The following DYM variants were observed in gnomAD, a reference collection of about 807,000 sequenced individuals.
DYM encodes dymeclin, also known as dyggve-Melchior-Clausen syndrome protein.
Under a neutral mutation model 93.1 loss-of-function variants are expected in DYM, and 78 were observed. The ratio of observed to expected loss-of-function variants is 0.84; its 90% CI spans 0.70 to 1.01. The LOEUF is 1.01. Ranked by LOEUF, DYM falls within the 50% of genes least tolerant of loss-of-function variation. The pLI is 0.00. For synonymous variants in DYM, 321 were observed against 319.7 expected (o/e 1.00, Z -0.04); for missense variants, 789 against 845.0 (o/e 0.93, Z 0.82).
At chr18:49,224,727 C>A (rs1568050494) in intron 13 of DYM, among the ~76,000 whole-genome samples, 1 of 152,084 alleles carries the variant, frequency 6.6e-6, no homozygotes, top group East Asian at 1.9e-4. Context: ...TGATCTAGGA[C>A]TTCCCAGATT....
intron 16 of DYM, among the ~76,000 whole-genome samples, chr18:49,103,723 G>C (rs947425112): frequency 3.9e-5 from 6 of 152,284 alleles, no homozygotes; most frequent in African/African-American, 1.4e-4. Context: ...GATGGTTGTA[G>C]ATATGCGGCG....
At chr18:49,199,585 A>ACATTT (rs2091834481) in intron 14 of DYM, among the ~76,000 whole-genome samples, 1 of 152,266 alleles carries the variant, frequency 6.6e-6, no homozygotes, top group Non-Finnish European at 1.5e-5. Flanking sequence ...GTGGGATAAT[A>ACATTT]CATTTCATTT....
At chr18:49,421,270 A>C (rs1317265110) in intron 2 of DYM, among the ~76,000 whole-genome samples, 2 of 152,150 alleles carry the variant, frequency 1.3e-5, no homozygotes, top group African/African-American at 4.8e-5. Flanking sequence ...CTGACACCTC[A>C]TACGGCCAGG....
rs202120059 is a variant in DYM, at chr18:49,217,876, A to C, written c.1461-8161T>G. On this transcript the variant is annotated intron_variant, in intron 13 of 17. Coordinates refer to ENST00000675505, the MANE Select transcript of DYM (RefSeq NM_001353214.3). ...GAGCAAGATAACCAGCTAACATCAT[A>C]ACCACAGGATCAAATTCACACATAA... is the stretch of plus-strand genomic sequence containing the variant. 2.4e-3 allele frequency among the ~76,000 whole-genome samples: 371 copies of C among 152,326 alleles called. 6 individuals are homozygous for C. In the East Asian group the frequency reaches 0.035, roughly 14 times the overall value.
rs2147679673 is a variant in DYM, at chr18:49,378,668, A to G, written c.320T>C (p.Leu107Ser). 1 of 1,613,372 alleles carries G rather than the reference A, an allele frequency of 6.2e-7. No homozygotes were observed. The highest frequency in any genetic ancestry group is 1.3e-5 in the African/African-American group (1 of 75,018). Residue 107 changes from leucine (L) to serine (S), a missense_variant, in exon 5 of 18, where the codon TTG becomes TCG. Coordinates refer to ENST00000675505, the MANE Select transcript of DYM (RefSeq NM_001353214.3). ...TTTCAGCAAACAGCAAATAATAAAC[A>G]AAGCATTGTGTGTCTGCCAAATGAA... Reference protein sequence around the residue: ...HIFIWQTHNALFIICCLLKVF... With the variant: ...HIFIWQTHNASFIICCLLKVF...
intron 13 of DYM, among the ~76,000 whole-genome samples, chr18:49,245,528 C>G (rs1401329185): frequency 1.3e-5 from 2 of 152,172 alleles, no homozygotes; most frequent in Non-Finnish European, 2.9e-5. Context: ...GAAATACGCC[C>G]TGGTTTCCTG....
intron 8 of DYM, among the ~76,000 whole-genome samples, chr18:49,306,063 G>C (rs1242501886): frequency 2.0e-5 from 3 of 152,150 alleles, no homozygotes; most frequent in Non-Finnish European, 4.4e-5. Flanking sequence ...ATCAGATACA[G>C]CTGAAAAGAA....
At chr18:49,257,387 C>A (rs2094409947) in intron 12 of DYM, among the ~76,000 whole-genome samples, 1 of 152,168 alleles carries the variant, frequency 6.6e-6, no homozygotes, top group Non-Finnish European at 1.5e-5. Flanking sequence ...TTACAGCATG[C>A]TACTTAAGGC....
At chr18:49,094,606 A>G (rs1471311925) in intron 17 of DYM, among the ~76,000 whole-genome samples, 1 of 152,242 alleles carries the variant, frequency 6.6e-6, no homozygotes, top group Non-Finnish European at 1.5e-5. Flanking sequence ...GTTTAACTAT[A>G]TAGACAGATT....
chr18:49,326,358 T>C (rs1293024752), intron 8 of DYM, among the ~76,000 whole-genome samples: 2 of 152,070 alleles, frequency 1.3e-5, no homozygotes, highest in Non-Finnish European at 2.9e-5. Context: ...AAATTACTAA[T>C]ACAGCTTTGC....
In DYM at chr18:49,097,383, A is replaced by G. The variant is rs2079640003; in HGVS notation, c.2025+19T>C. 4 of 1,611,468 alleles carry G rather than the reference A, an allele frequency of 2.5e-6. No homozygotes were observed. The South Asian group carries it at 4.4e-5, about 18-fold the overall frequency. On this transcript the variant is annotated intron_variant, in intron 17 of 17. Transcript: ENST00000675505. ...AGGGACACGGCAGTGTCAAGTGGACATTTCTTTAGCCTTCTTACCTTCAGT... is the reference window on the plus strand; with the variant it reads ...AGGGACACGGCAGTGTCAAGTGGACGTTTCTTTAGCCTTCTTACCTTCAGT...
intron 13 of DYM, among the ~76,000 whole-genome samples, chr18:49,228,095 G>C (rs1328191229): frequency 6.6e-6 from 1 of 152,112 alleles, no homozygotes; most frequent in Non-Finnish European, 1.5e-5. Context: ...TAGAATCTTT[G>C]AGGGCAGATG....
intron 13 of DYM, among the ~76,000 whole-genome samples, chr18:49,224,516 GGT>G (rs1399916951): frequency 6.6e-6 from 1 of 151,998 alleles, no homozygotes; most frequent in African/African-American, 2.4e-5. Flanking sequence ...CCAAGGTGAT[GGT>G]ATTAGGAGGT....
chr18:49,300,417 T>C (rs954762321), intron 8 of DYM, among the ~76,000 whole-genome samples: 2 of 151,850 alleles, frequency 1.3e-5, no homozygotes, highest in Non-Finnish European at 2.9e-5. Flanking sequence ...CTGGGCAACA[T>C]AGTGAAACCT....
chr18:49,151,617 A>G (rs1300858705), intron 15 of DYM, among the ~76,000 whole-genome samples: 1 of 152,210 alleles, frequency 6.6e-6, no homozygotes, highest in Non-Finnish European at 1.5e-5. Flanking sequence ...CATTCATCCC[A>G]CATAAAACAA....
chr18:49,315,449 G>A lies in DYM; in HGVS notation c.763+16415C>T, dbSNP rs192642972. Among the ~76,000 whole-genome samples, 5 of 152,296 alleles carry A rather than the reference G, an allele frequency of 3.3e-5. No individual in the cohort carries two copies. The East Asian group carries it at 9.6e-4, about 29-fold the overall frequency. On this transcript the variant is annotated intron_variant, in intron 8 of 17. Coordinates refer to ENST00000675505, the MANE Select transcript of DYM (RefSeq NM_001353214.3). ...AATATTGAGTTTTATGTACTATGAA[G>A]ATGTATGTGATGTTACAAACTTCAG...
Position 49,051,031 on chromosome 18 carries a change from C to T in DYM, c.2026-6827G>A, listed in dbSNP as rs151104703. Among the ~76,000 whole-genome samples, 3 of 152,294 alleles carry T rather than the reference C, an allele frequency of 2.0e-5. No individual in the cohort carries two copies. The East Asian group carries it at 5.8e-4, about 29-fold the overall frequency. On this transcript the variant is annotated intron_variant, in intron 17 of 17. Coordinates refer to ENST00000675505, the MANE Select transcript of DYM (RefSeq NM_001353214.3). ...ACCAAGACCCCAAAAGAATAAGTCA[C>T]ATGAAAAAGAGGCCACAGCAGTGAG...
chr18:49,146,053 T>C (rs1185849432), intron 15 of DYM, among the ~76,000 whole-genome samples: 1 of 152,184 alleles, frequency 6.6e-6, no homozygotes, highest in Non-Finnish European at 1.5e-5. Context: ...ATTGCCTCCT[T>C]TTCTTCCTCC....
At chr18:49,135,530 A>G (rs75964057) in intron 15 of DYM, among the ~76,000 whole-genome samples, 1,594 of 152,346 alleles carry the variant, frequency 0.01, 26 homozygotes, top group African/African-American at 0.037. Flanking sequence ...CCAATGCCTA[A>G]TACAGAGGAG....
Sources: gnomAD v4.1 joint callset for allele counts (sites outside exome capture counted in the v4.1 genomes callset) on GRCh38, gnomAD v4.1.1 for gene constraint, MANE v1.5 for transcripts, NCBI Gene and HGNC (gene_info 2026-07-23, HGNC 2026-07-21) for gene names.